Variants in CSMD1 observed in about 807,000 individuals in gnomAD.
CSMD1 encodes CUB and Sushi multiple domains 1, also known as CUB and sushi domain-containing protein 1.
In CSMD1, 213 loss-of-function variants were observed where a neutral mutation model predicts 417.5. The ratio of observed to expected loss-of-function variants is 0.51; its 90% confidence interval spans 0.46 to 0.57. The LOEUF is 0.57. Ranked by LOEUF, CSMD1 falls within the 20% of genes least tolerant of loss-of-function variation. The pLI is 0.00. For synonymous variants in CSMD1, 2,862 were observed against 1,736.8 expected (o/e 1.65, Z -16.11); for missense variants, 6,923 against 4,529.7 (o/e 1.53, Z -15.17).
intron 3 of CSMD1, among the ~76,000 whole-genome samples, chr8:4,320,727 T>C (rs760783803): frequency 3.3e-5 from 5 of 152,192 alleles, no homozygotes; most frequent in Non-Finnish European, 1.5e-5. Flanking sequence ...ATGGTGTGTA[T>C]GTGCCACATT....
chr8:3,762,338 A>G (rs1420554225), intron 5 of CSMD1, among the ~76,000 whole-genome samples: 2 of 151,978 alleles, frequency 1.3e-5, no homozygotes, highest in South Asian at 4.2e-4. Context: ...TAAATTTCAG[A>G]TCATGTGTTG....
intron 23 of CSMD1, among the ~76,000 whole-genome samples, chr8:3,317,949 C>A (rs12677731): frequency 6.6e-6 from 1 of 152,048 alleles, no homozygotes; most frequent in African/African-American, 2.4e-5. Flanking sequence ...TAGCTGGGAC[C>A]ACAGATGTGG....
intron 2 of CSMD1, among the ~76,000 whole-genome samples, chr8:4,551,010 G>T (rs948742894): frequency 6.6e-6 from 1 of 151,976 alleles, no homozygotes; most frequent in Non-Finnish European, 1.5e-5. Flanking sequence ...TTAATATCAG[G>T]ATTTATAAAA....
chr8:4,514,087 TA>T (rs1802978346), intron 2 of CSMD1, among the ~76,000 whole-genome samples: 1 of 152,086 alleles, frequency 6.6e-6, no homozygotes, highest in African/African-American at 2.4e-5. Flanking sequence ...TTATTATTAT[TA>T]TTTTTTACAG....
At chr8:3,835,004 A>G (rs1467210834) in intron 5 of CSMD1, among the ~76,000 whole-genome samples, 2 of 152,186 alleles carry the variant, frequency 1.3e-5, no homozygotes, top group Admixed American at 6.5e-5. Context: ...AATGCAAGTC[A>G]AAACCACAAT....
chr8:4,295,996 A>G (rs1043590551), intron 3 of CSMD1, among the ~76,000 whole-genome samples: 16 of 151,860 alleles, frequency 1.1e-4, no homozygotes, highest in African/African-American at 3.6e-4. Flanking sequence ...ACAAAAACCT[A>G]AAGACTTTAT....
chr8:3,297,100 T>C (rs1395773081), intron 25 of CSMD1, among the ~76,000 whole-genome samples: 1 of 152,186 alleles, frequency 6.6e-6, no homozygotes, highest in Non-Finnish European at 1.5e-5. Flanking sequence ...ATCCTAGAGC[T>C]GGAAATAATT....
chr8:3,392,502 C>T (rs963417936), intron 17 of CSMD1, among the ~76,000 whole-genome samples: 21 of 152,002 alleles, frequency 1.4e-4, no homozygotes, highest in African/African-American at 4.3e-4. Context: ...CTGCTTTTCT[C>T]GCTGGACTCA....
intron 6 of CSMD1, among the ~76,000 whole-genome samples, chr8:3,740,323 C>T (rs575959209): frequency 6.6e-6 from 1 of 152,262 alleles, no homozygotes; most frequent in South Asian, 2.1e-4. Flanking sequence ...ACAGGCTGGT[C>T]TCGAACTCCT....
At chr8:4,275,235 TA>T (rs1034181602) in intron 3 of CSMD1, among the ~76,000 whole-genome samples, 16 of 152,162 alleles carry the variant, frequency 1.1e-4, no homozygotes, top group African/African-American at 3.6e-4. Flanking sequence ...TTGATTTTTT[TA>T]CAAATAAATA....
chr8:4,994,612 C>G lies in CSMD1; in HGVS notation c.-196G>C. On this transcript the variant is annotated 5_prime_UTR_variant, in exon 1 of 70. Coordinates refer to ENST00000635120, the MANE Select transcript of CSMD1 (RefSeq NM_033225.6). ...CCCTCTCATAGCATCGGGTCCCGAG[C>G]CACTGCAGGGCTGAGCTGCTCCGAG... The G allele has an allele frequency of 1.7e-6, 1 of 591,996 alleles. No homozygotes were observed. Among genetic ancestry groups the G allele is most frequent in the East Asian group, 2.9e-5 (1 of 34,508 alleles). The allele number at this position is 591,996 out of a possible 1,614,324, so 36.7% of individuals were successfully genotyped here. A position where few individuals can be genotyped will look rare whatever the true frequency, so the allele number is the denominator to read the frequency against.
At chr8:4,461,293 GAA>G (rs2129947876) in intron 2 of CSMD1, among the ~76,000 whole-genome samples, 1 of 152,064 alleles carries the variant, frequency 6.6e-6, no homozygotes, top group East Asian at 1.9e-4. Context: ...ATGAAATATT[GAA>G]CATTTTCTGC....
intron 1 of CSMD1, among the ~76,000 whole-genome samples, chr8:4,893,988 T>C (rs985105446): frequency 6.6e-6 from 1 of 152,150 alleles, no homozygotes; most frequent in Non-Finnish European, 1.5e-5. Context: ...TCAAGAAGGA[T>C]TTCAACATCT....
chr8:4,406,896 T>C (rs1052532853), intron 3 of CSMD1, among the ~76,000 whole-genome samples: 9 of 152,306 alleles, frequency 5.9e-5, no homozygotes, highest in South Asian at 4.1e-4. Flanking sequence ...ACTTTCTCTA[T>C]TGTGCATTGA....
At chr8:3,851,956 A>G (rs1803940570) in intron 5 of CSMD1, among the ~76,000 whole-genome samples, 1 of 152,140 alleles carries the variant, frequency 6.6e-6, no homozygotes, top group Non-Finnish European at 1.5e-5. Context: ...CTAGAGAGAT[A>G]GCAGGTTAGA....
chr8:4,665,695 T>C (rs1804877737), intron 1 of CSMD1, among the ~76,000 whole-genome samples: 1 of 152,218 alleles, frequency 6.6e-6, no homozygotes, highest in African/African-American at 2.4e-5. Flanking sequence ...GGATCCATAA[T>C]CTATTCCTCT....
At chr8:3,966,557 C>A (rs1812688986) in intron 5 of CSMD1, among the ~76,000 whole-genome samples, 1 of 151,984 alleles carries the variant, frequency 6.6e-6, no homozygotes, top group Non-Finnish European at 1.5e-5. Context: ...TATTTTCTTG[C>A]CAATTTCTTT....
intron 1 of CSMD1, among the ~76,000 whole-genome samples, chr8:4,798,165 C>T (rs555431019): frequency 1.3e-5 from 2 of 152,274 alleles, no homozygotes; most frequent in Admixed American, 6.5e-5. Flanking sequence ...CTCCCCACTT[C>T]CCCCACCCAA....
At chr8:3,739,785 A>C (rs1344178723) in intron 6 of CSMD1, among the ~76,000 whole-genome samples, 2 of 17,772 alleles carry the variant, frequency 1.1e-4, no homozygotes, top group South Asian at 0.013. Context: ...AGATCAATGG[A>C]AAAAGGTAAA....
Sources: allele counts gnomAD v4.1 joint callset (sites outside exome capture counted in the v4.1 genomes callset), GRCh38; gene constraint gnomAD v4.1.1; transcripts MANE v1.5; gene names NCBI Gene and HGNC (gene_info 2026-07-23, HGNC 2026-07-21).